ZNG1C: variants seen among roughly 807,000 people sequenced by gnomAD.
ZNG1C encodes Zn regulated GTPase metalloprotein activator 1C, also known as zinc-regulated GTPase metalloprotein activator 1C.
chr9:68,292,158 C>T, the ZNG1C span, among the ~76,000 whole-genome samples: 5 of 151,964 alleles, frequency 3.3e-5, no homozygotes, highest in African/African-American at 7.3e-5. Flanking sequence ...GGGAACACCC[C>T]GTAGGACGAA....
At chr9:68,294,355 TAAATG>T in the ZNG1C span, among the ~76,000 whole-genome samples, 3 of 81,818 alleles carry the variant, frequency 3.7e-5, no homozygotes, top group Admixed American at 1.6e-4. Flanking sequence ...ATCCAAAAGA[TAAATG>T]AAACAAAAAG....
the ZNG1C span, among the ~76,000 whole-genome samples, chr9:68,288,058 GTA>G: frequency 1.7e-3 from 162 of 97,016 alleles, no homozygotes; most frequent in African/African-American, 6.5e-3. Context: ...AGATAAAACA[GTA>G]TGATCTAATA....
chr9:68,269,694 T>C, the ZNG1C span: 3 of 837,754 alleles, frequency 3.6e-6, no homozygotes, highest in African/African-American at 1.4e-4. Flanking sequence ...TGAGAAATTC[T>C]TTCTTTGGAA....
chr9:68,284,285 TGTTGGG>T, the ZNG1C span, among the ~76,000 whole-genome samples: 1 of 103,870 alleles, frequency 9.6e-6, no homozygotes, highest in Non-Finnish European at 1.9e-5. Flanking sequence ...AATTTATCTC[TGTTGGG>T]TCCAAGAGCT....
the ZNG1C span, among the ~76,000 whole-genome samples, chr9:68,281,175 A>T: frequency 6.6e-6 from 1 of 151,762 alleles, no homozygotes; most frequent in African/African-American, 2.4e-5. Flanking sequence ...AAGTGAGACA[A>T]TGCCTCGCCC....
chr9:68,287,548 T>G, the ZNG1C span, among the ~76,000 whole-genome samples: 1 of 152,288 alleles, frequency 6.6e-6, no homozygotes, highest in Non-Finnish European at 1.5e-5. Flanking sequence ...CTGGAGTATT[T>G]AAAAAAAACA....
At chr9:68,268,592 T>G in the ZNG1C span, among the ~76,000 whole-genome samples, 3 of 152,214 alleles carry the variant, frequency 2.0e-5, no homozygotes, top group Admixed American at 6.5e-5. Context: ...TATCTACTCA[T>G]TTTTAAGAAC....
chr9:68,276,087 T>C, the ZNG1C span, among the ~76,000 whole-genome samples: 1 of 151,814 alleles, frequency 6.6e-6, no homozygotes, highest in Non-Finnish European at 1.5e-5. Context: ...TGTTTTTTGG[T>C]GGCATAAATG....
the ZNG1C span, among the ~76,000 whole-genome samples, chr9:68,277,457 CTTA>C: frequency 9.9e-6 from 1 of 100,868 alleles, no homozygotes; most frequent in African/African-American, 3.9e-5. Flanking sequence ...ATAGATAGCT[CTTA>C]TTATTTTGAA....
chr9:68,247,482 A>G, the ZNG1C span: 2 of 1,595,782 alleles, frequency 1.3e-6, no homozygotes, highest in Non-Finnish European at 1.7e-6. Flanking sequence ...GGCTGCATGA[A>G]TAAAGTGAAA....
chr9:68,288,453 T>C, the ZNG1C span, among the ~76,000 whole-genome samples: 1 of 152,160 alleles, frequency 6.6e-6, no homozygotes, highest in African/African-American at 2.4e-5. Flanking sequence ...TTGGGTTTTG[T>C]TTTTGTTTTT....
the ZNG1C span, among the ~76,000 whole-genome samples, chr9:68,293,767 G>C: frequency 9.4e-4 from 91 of 97,190 alleles, no homozygotes; most frequent in South Asian, 3.2e-3. Context: ...GACAGCACTG[G>C]ACAGGTCATC....
At chr9:68,293,986 T>C in the ZNG1C span, among the ~76,000 whole-genome samples, 18 of 150,182 alleles carry the variant, frequency 1.2e-4, no homozygotes, top group East Asian at 9.9e-4. Flanking sequence ...ATCAAGCACT[T>C]TCTCAGACCA....
the ZNG1C span, chr9:68,285,767 A>AT: frequency 1.7e-6 from 1 of 602,104 alleles, no homozygotes; most frequent in Non-Finnish European, 2.9e-6. Context: ...TTCTGTGCAT[A>AT]TGTATATATA....
At chr9:68,291,768 C>T in the ZNG1C span, among the ~76,000 whole-genome samples, 1 of 151,962 alleles carries the variant, frequency 6.6e-6, no homozygotes, top group Non-Finnish European at 1.5e-5. Flanking sequence ...GATTAAGTAT[C>T]TCATGTTTTT....
the ZNG1C span, among the ~76,000 whole-genome samples, chr9:68,290,809 T>A: frequency 7.3e-6 from 1 of 136,640 alleles, no homozygotes; most frequent in African/African-American, 2.9e-5. Flanking sequence ...ATAATTGTCA[T>A]TTAAAAATGC....
At chr9:68,269,860 C>A in the ZNG1C span, 1 of 43,402 alleles carries the variant, frequency 2.3e-5, no homozygotes, top group Non-Finnish European at 2.6e-5. Flanking sequence ...AGGAGCCACT[C>A]ATCTGCTGGC....
the ZNG1C span, chr9:68,270,605 TG>T: frequency 1.0e-6 from 1 of 985,136 alleles, no homozygotes; most frequent in Non-Finnish European, 1.2e-6. Context: ...AGATTTGGGC[TG>T]GGCACGGTGG....
At chr9:68,285,335 C>T in the ZNG1C span, 7 of 140,626 alleles carry the variant, frequency 5.0e-5, no homozygotes, top group Non-Finnish European at 9.3e-5. Context: ...TCCTTTCCCC[C>T]TCCCGTCCTG....
Sources: allele counts gnomAD v4.1 joint callset (sites outside exome capture counted in the v4.1 genomes callset), GRCh38; gene constraint gnomAD v4.1.1; transcripts MANE v1.5; gene names NCBI Gene and HGNC (gene_info 2026-07-23, HGNC 2026-07-21).